MID1: variants seen among roughly 807,000 people sequenced by gnomAD.
MID1 encodes the protein E3 ubiquitin-protein ligase Midline-1.
A neutral mutation model predicts 40.4 loss-of-function variants in MID1; 7 were observed. The ratio of observed to expected loss-of-function variants is 0.17; its 90% CI spans 0.10 to 0.33. MID1 has a LOEUF of 0.33. Among genes scored for constraint, MID1 ranks in the 10% least tolerant of loss-of-function variants. The pLI, the probability that MID1 is intolerant of heterozygous loss-of-function variation, is 1.00. For synonymous variants in MID1, 229 were observed against 221.2 expected (o/e 1.04, Z -0.31); for missense variants, 367 against 558.5 (o/e 0.66, Z 3.46).
At chrX:10,590,330 C>G (rs1935263809) in intron 1 of MID1, among the ~76,000 whole-genome samples, 1 of 111,353 alleles carries the variant, frequency 9.0e-6, no homozygotes, top group Admixed American at 9.5e-5. Flanking sequence ...GGGTCTGTCT[C>G]TCTTCTCTCA....
intron 1 of MID1, among the ~76,000 whole-genome samples, chrX:10,618,392 C>T (rs774850691): frequency 8.9e-6 from 1 of 111,756 alleles, no homozygotes; most frequent in South Asian, 3.8e-4. Context: ...CTCATTCCTC[C>T]CTACATTCTT....
In MID1 at chrX:10,447,384, G is replaced by A. The variant is rs1345086545; in HGVS notation, c.*1984C>T. ...GTGATTTTAAAAACTCAGAAGCTGA[G>A]TTTTAGACCCTTTTATTTAGAACCT... On this transcript the variant is annotated 3_prime_UTR_variant, in exon 10 of 10. Transcript: ENST00000317552. 1.8e-5 allele frequency: 2 copies of A among 111,673 alleles called. No individual in the cohort carries two copies. The highest frequency in any genetic ancestry group is 3.3e-5 in the African/African-American group (1 of 30,733). 9.2% of individuals were successfully genotyped at this position (111,673 alleles called of 1,213,427 possible).
rs6654928 is a variant in MID1 at position 10,638,256 on chromosome X, A to G, written c.-186-17837T>C. Among the ~76,000 whole-genome samples the G allele has an allele frequency of 9.9e-5, 11 of 111,531 alleles. 1 individual carries two copies. In the Admixed American group the frequency reaches 1.0e-3, roughly 11 times the overall value. On this transcript the variant is annotated intron_variant, in intron 1 of 10. Coordinates refer to the MID1 transcript ENST00000380785. ...GGGGTTGGGGAATTCCCTTTCCTAG[A>G]AAAGGGAAGCCGTGACAGACAGCAA... is the stretch of plus-strand genomic sequence containing the variant.
chrX:10,462,866 TGGACA>T (rs1929131756), intron 7 of MID1, among the ~76,000 whole-genome samples: 1 of 112,130 alleles, frequency 8.9e-6, no homozygotes, highest in South Asian at 3.7e-4. Flanking sequence ...TCCAACAGAC[TGGACA>T]GAAGTGAACA....
At chrX:10,536,256 C>A (rs891756928) in intron 2 of MID1, among the ~76,000 whole-genome samples, 18 of 111,407 alleles carry the variant, frequency 1.6e-4, no homozygotes, top group Admixed American at 9.5e-5. Context: ...AAGAAAACCA[C>A]ACCTAGTATT....
At chrX:10,558,079 A>C (rs1443595458) in intron 2 of MID1, among the ~76,000 whole-genome samples, 1 of 109,821 alleles carries the variant, frequency 9.1e-6, no homozygotes, top group East Asian at 2.8e-4. Flanking sequence ...AAAAAAAAAA[A>C]AACACTTCAC....
intron 1 of MID1, among the ~76,000 whole-genome samples, chrX:10,742,659 G>T (rs2043530913): frequency 8.9e-6 from 1 of 112,478 alleles, no homozygotes; most frequent in Non-Finnish European, 1.9e-5. Context: ...ATTATTCTCA[G>T]TAGAAAAATT....
chrX:10,562,371 T>TAAAAAAAAAA, intron 2 of MID1, among the ~76,000 whole-genome samples: 1 of 44,891 alleles, frequency 2.2e-5, no homozygotes, highest in Non-Finnish European at 4.3e-5. Flanking sequence ...GAACTTAAAG[T>TAAAAAAAAAA]AAAAAAAAAA....
Position 10,474,744 on chromosome X carries a change from G to A in MID1, c.1020C>T (p.Ser340=). The A allele has an allele frequency of 8.3e-7, 1 of 1,208,481 alleles. No homozygotes were observed. Among genetic ancestry groups the A allele is most frequent in the Non-Finnish European group, 1.1e-6 (1 of 892,995 alleles). ...QTAKNITERV[S]MATASSQVLI... is the part of the protein sequence containing the mutation. Reference sequence around the variant, plus strand: ...GAACCTGGGAGGATGCAGTTGCCATGGAGACTCTGTAATGCAAACAAAACA... The same window carrying A: ...GAACCTGGGAGGATGCAGTTGCCATAGAGACTCTGTAATGCAAACAAAACA... Residue 340 remains serine, a synonymous_variant, in exon 6 of 10, where the codon TCC becomes TCT. Coordinates refer to ENST00000317552, the MANE Select transcript of MID1 (RefSeq NM_000381.4).
intron 1 of MID1, among the ~76,000 whole-genome samples, chrX:10,775,583 T>C (rs2043796731): frequency 8.9e-6 from 1 of 112,169 alleles, no homozygotes; most frequent in Admixed American, 9.5e-5. Context: ...AATGGAAGCA[T>C]AGCATTAAGC....
chrX:10,547,879 T>C (rs892857919), intron 2 of MID1, among the ~76,000 whole-genome samples: 1 of 110,640 alleles, frequency 9.0e-6, no homozygotes, highest in Admixed American at 9.7e-5. Flanking sequence ...AAAATTCAAA[T>C]TAAGGTTGGT....
intron 1 of MID1, among the ~76,000 whole-genome samples, chrX:10,670,436 TA>T (rs928495739): frequency 8.2e-5 from 9 of 110,289 alleles, no homozygotes; most frequent in African/African-American, 2.0e-4. Flanking sequence ...AAAGAGAATG[TA>T]AAAAAAAATA....
At chrX:10,550,415 C>A (rs952335642) in intron 2 of MID1, among the ~76,000 whole-genome samples, 2 of 112,249 alleles carry the variant, frequency 1.8e-5, no homozygotes, top group Non-Finnish European at 3.8e-5. Context: ...AGCCTGAAGG[C>A]TGGCATGTGC....
At chrX:10,549,646 G>A (rs1165453763) in intron 2 of MID1, among the ~76,000 whole-genome samples, 4 of 113,164 alleles carry the variant, frequency 3.5e-5, no homozygotes, top group Admixed American at 9.3e-5. Flanking sequence ...CATTGTAACT[G>A]AGGAATTGGA....
At chrX:10,552,658 T>C (rs1056081386) in intron 2 of MID1, among the ~76,000 whole-genome samples, 3 of 110,260 alleles carry the variant, frequency 2.7e-5, no homozygotes, top group Non-Finnish European at 5.7e-5. Context: ...CCCACAAATA[T>C]GGAGGGCCAA....
At chrX:10,634,994 T>C (rs772391973) in intron 1 of MID1, among the ~76,000 whole-genome samples, 2 of 112,544 alleles carry the variant, frequency 1.8e-5, no homozygotes, top group East Asian at 5.6e-4. Flanking sequence ...CTTCTGTGGC[T>C]CAGCTCGAAT....
intron 1 of MID1, among the ~76,000 whole-genome samples, chrX:10,708,437 T>C (rs1204448511): frequency 9.0e-6 from 1 of 110,953 alleles, no homozygotes; most frequent in East Asian, 2.8e-4. Flanking sequence ...CCTTCCAGGC[T>C]TGATGGAAGT....
At chrX:10,458,702 C>G (rs750328664) in intron 8 of MID1, among the ~76,000 whole-genome samples, 4 of 111,748 alleles carry the variant, frequency 3.6e-5, no homozygotes, top group Non-Finnish European at 7.5e-5. Flanking sequence ...TAATTCAGTG[C>G]TCTCTTTACA....
intron 1 of MID1, among the ~76,000 whole-genome samples, chrX:10,739,426 G>C (rs2043507922): frequency 8.9e-6 from 1 of 112,101 alleles, no homozygotes; most frequent in African/African-American, 3.2e-5. Flanking sequence ...TGTGTATTAA[G>C]AGCCTTTTCT....
Sources: allele counts gnomAD v4.1 joint callset (sites outside exome capture counted in the v4.1 genomes callset), GRCh38; gene constraint gnomAD v4.1.1; transcripts MANE v1.5; gene names NCBI Gene and HGNC (gene_info 2026-07-23, HGNC 2026-07-21).